The following PIK3AP1 variants were observed in gnomAD, a reference collection of about 807,000 sequenced individuals.
PIK3AP1 encodes the protein phosphoinositide 3-kinase adapter protein 1.
In PIK3AP1, 21 loss-of-function variants were observed where a neutral mutation model predicts 88.1. The ratio of observed to expected loss-of-function variants is 0.24; its 90% CI spans 0.17 to 0.34. PIK3AP1 has a LOEUF of 0.34. Ranked by LOEUF, PIK3AP1 falls within the 10% of genes least tolerant of loss-of-function variation. PIK3AP1 has a pLI of 1.00. For missense variants in PIK3AP1, 828 were observed against 1,035.7 expected (o/e 0.80, Z 2.75); for synonymous variants, 398 against 400.0 (o/e 1.00, Z 0.06).
chr10:96,645,563 G>T lies in PIK3AP1; in HGVS notation c.1285C>A (p.Leu429Met). The T allele has an allele frequency of 6.2e-7, 1 of 1,614,022 alleles. No homozygotes were observed. The change falls in exon 8 of 17, where the codon CTG becomes ATG. Residue 429 changes from leucine to methionine, a missense_variant. Coordinates refer to ENST00000339364, the MANE Select transcript of PIK3AP1 (RefSeq NM_152309.3). ...GGGTTGAGCGAGCATTTCATAAGCA[G>T]GTCTGTGGAAAGGTGGGCCATGGAC... ...YESMAHLSTDLLMKCSLNPGC... is the reference protein window; with the variant it reads ...YESMAHLSTDMLMKCSLNPGC...
chr10:96,642,425 C>CAAAAAAAAAAAAAAAAAAA (rs34912752), intron 8 of PIK3AP1, among the ~76,000 whole-genome samples: 1 of 98,958 alleles, frequency 1.0e-5, no homozygotes, highest in Non-Finnish European at 2.1e-5. Context: ...GATGTTGTCT[C>CAAAAAAAAAAAAAAAAAAA]AAAAAAAAAA....
At chr10:96,600,398 CTA>C (rs1239474933) in intron 16 of PIK3AP1, among the ~76,000 whole-genome samples, 1 of 152,206 alleles carries the variant, frequency 6.6e-6, no homozygotes, top group Non-Finnish European at 1.5e-5. Flanking sequence ...CAATCACCAA[CTA>C]TGTGATAATT....
At chr10:96,613,022 A>G (rs562663669) in intron 13 of PIK3AP1, among the ~76,000 whole-genome samples, 12 of 103,110 alleles carry the variant, frequency 1.2e-4, no homozygotes, top group African/African-American at 1.2e-4. Context: ...TTTTTGAGAC[A>G]GAGTCTCGCA....
In PIK3AP1 at chr10:96,609,717, G is replaced by A. The variant is rs1244767257; in HGVS notation, c.2165C>T (p.Thr722Ile). The change falls in exon 14 of 17, where the codon ACA becomes ATA. Residue 722 changes from threonine to isoleucine, a missense_variant. This residue lies in a region of PIK3AP1 where 191 missense variants were observed against 208.6 expected (regional missense o/e 0.92). Transcript: ENST00000339364. ...GDWKTDSTSS[T>I]ASSTSNRSST... ...CCGCACCCCCAGCTGCTCACTTGCT[G>A]TGCTGGAGGTGCTGTCTGTTTTCCA... is the stretch of plus-strand genomic sequence containing the variant. 1.2e-6 allele frequency: 2 copies of A among 1,613,694 alleles called. No homozygotes were observed. Among genetic ancestry groups the A allele is most frequent in the Non-Finnish European group, 8.5e-7 (1 of 1,179,884 alleles).
At chr10:96,717,630 A>G (rs1844519564) in intron 1 of PIK3AP1, among the ~76,000 whole-genome samples, 1 of 152,214 alleles carries the variant, frequency 6.6e-6, no homozygotes, top group Admixed American at 6.5e-5. Context: ...AGAAGGATCT[A>G]AAGAGAAGAG....
At chr10:96,626,926 G>C in intron 9 of PIK3AP1, 21 bp from the exon 10 acceptor site, 1 of 1,602,412 alleles carries the variant, frequency 6.2e-7, no homozygotes, top group Non-Finnish European at 8.6e-7. Context: ...AGAGAAAGGT[G>C]ACTGAAAGCA....
rs199646926 is a variant in PIK3AP1, at chr10:96,653,419, A to C, written c.568-577T>G. 1.2e-3 allele frequency among the ~76,000 whole-genome samples: 175 copies of C among 149,106 alleles called. 1 individual carries two copies. In the East Asian group the frequency reaches 0.018, roughly 16 times the overall value. On this transcript the variant is annotated intron_variant, in intron 3 of 16. Transcript: ENST00000339364. ...AGGCTCTGTCTCAAAAAAAAAAAAAAACACACACACACACAAAACAAAACA... is the reference window on the plus strand; with the variant it reads ...AGGCTCTGTCTCAAAAAAAAAAAAACACACACACACACACAAAACAAAACA...
intron 8 of PIK3AP1, among the ~76,000 whole-genome samples, chr10:96,629,930 A>AAAAAACAAGAAG (rs776780994): frequency 7.3e-5 from 1 of 13,726 alleles, no homozygotes; most frequent in African/African-American, 1.8e-4. Context: ...AAAAAAAAAA[A>AAAAAACAAGAAG]AAGAAGAAGA....
intron 8 of PIK3AP1, among the ~76,000 whole-genome samples, chr10:96,636,854 A>G (rs987381071): frequency 3.9e-5 from 6 of 152,182 alleles, no homozygotes; most frequent in African/African-American, 1.4e-4. Context: ...CAGTGAGAGA[A>G]CACCCAGGCA....
intron 2 of PIK3AP1, among the ~76,000 whole-genome samples, chr10:96,667,042 T>C (rs1843773318): frequency 2.0e-5 from 3 of 152,244 alleles, no homozygotes; most frequent in Middle Eastern, 3.2e-3. Flanking sequence ...CGAGCAATGC[T>C]GCCCTGGTTA....
intron 3 of PIK3AP1, among the ~76,000 whole-genome samples, chr10:96,654,612 G>A (rs1319190548): frequency 1.3e-5 from 2 of 152,144 alleles, no homozygotes; most frequent in African/African-American, 2.4e-5. Flanking sequence ...TGACAGTCAG[G>A]ACCAAACCCC....
At chr10:96,691,334 G>T (rs1337744686) in intron 2 of PIK3AP1, among the ~76,000 whole-genome samples, 1 of 152,180 alleles carries the variant, frequency 6.6e-6, no homozygotes, top group Non-Finnish European at 1.5e-5. Flanking sequence ...GTTCGCAAGG[G>T]AAACTCAAGA....
At chr10:96,676,197 C>T (rs1843916618) in intron 2 of PIK3AP1, among the ~76,000 whole-genome samples, 1 of 152,148 alleles carries the variant, frequency 6.6e-6, no homozygotes, top group African/African-American at 2.4e-5. Flanking sequence ...GGAACTTTCA[C>T]CCCAAGAACA....
chr10:96,681,543 G>C (rs1185129813), intron 2 of PIK3AP1, among the ~76,000 whole-genome samples: 1 of 152,190 alleles, frequency 6.6e-6, no homozygotes, highest in Non-Finnish European at 1.5e-5. Flanking sequence ...GCAGATTTCA[G>C]CTAGGTTTGG....
intron 2 of PIK3AP1, among the ~76,000 whole-genome samples, chr10:96,670,593 G>C (rs907340461): frequency 6.6e-6 from 1 of 152,136 alleles, no homozygotes. Context: ...CCTTCTATAT[G>C]GGGGAAGGGC....
intron 12 of PIK3AP1, chr10:96,619,545 C>G (rs1843048641): frequency 1.3e-5 from 2 of 152,172 alleles, no homozygotes; most frequent in South Asian, 4.1e-4. Flanking sequence ...TTGGACGTGT[C>G]CCTTAACCTC....
intron 13 of PIK3AP1, among the ~76,000 whole-genome samples, chr10:96,611,605 G>A (rs571072171): frequency 5.0e-4 from 76 of 152,250 alleles, no homozygotes; most frequent in African/African-American, 1.7e-3. Context: ...GAGTAGCTGG[G>A]ACTACAGGCA....
chr10:96,715,807 A>T (rs2614953), intron 1 of PIK3AP1, among the ~76,000 whole-genome samples: 1 of 150,924 alleles, frequency 6.6e-6, no homozygotes, highest in Non-Finnish European at 1.5e-5. Context: ...GGAGAATGGC[A>T]TGAACCCGGG....
At chr10:96,617,701 C>G (rs1456728299) in intron 12 of PIK3AP1, among the ~76,000 whole-genome samples, 2 of 152,246 alleles carry the variant, frequency 1.3e-5, no homozygotes, top group Admixed American at 1.3e-4. Flanking sequence ...AGAGCAGGAC[C>G]AAGCAGGACA....
Sources: gnomAD v4.1 joint callset for allele counts (sites outside exome capture counted in the v4.1 genomes callset) on GRCh38, gnomAD v4.1.1 for gene constraint, gnomAD v4.1.1 regional missense constraint, MANE v1.5 for transcripts, NCBI Gene and HGNC (gene_info 2026-07-23, HGNC 2026-07-21) for gene names.